The following COPG2 variants were observed in gnomAD, a reference collection of about 807,000 sequenced individuals.
The protein encoded by COPG2 is coatomer subunit gamma-2.
Under a neutral mutation model 46.3 loss-of-function variants are expected in COPG2, and 37 were observed. The observed-to-expected ratio is 0.80, with a 90% CI of 0.61 to 1.05. COPG2 has a LOEUF of 1.05. Ranked by LOEUF, COPG2 falls within the 50% of genes least tolerant of loss-of-function variation. COPG2 has a pLI of 0.00. For missense variants in COPG2, 427 were observed against 387.8 expected, an observed-to-expected ratio of 1.10 and a Z score of -0.85; for synonymous variants, 159 against 129.7, an observed-to-expected ratio of 1.23 and a Z score of -1.53.
At chr7:130,662,326 C>T (rs1419669061) in intron 4 of COPG2, among the ~76,000 whole-genome samples, 1 of 152,030 alleles carries the variant, frequency 6.6e-6, no homozygotes, top group Non-Finnish European at 1.5e-5. Context: ...TGATGATATG[C>T]AATACATACC....
chr7:130,574,562 C>T (rs782805848), intron 9 of COPG2, among the ~76,000 whole-genome samples: 1 of 152,152 alleles, frequency 6.6e-6, no homozygotes, highest in Non-Finnish European at 1.5e-5. Flanking sequence ...CCGCCTAGAC[C>T]TTCCCTCTGA....
chr7:130,604,257 T>C (rs1008908345), intron 9 of COPG2, among the ~76,000 whole-genome samples: 15 of 152,330 alleles, frequency 9.8e-5, no homozygotes, highest in African/African-American at 2.9e-4. Flanking sequence ...AAGAAGCCAA[T>C]TGGGATTGTA....
rs1793467139 is a variant in COPG2, at chr7:130,547,665, G to A, written c.2149+9C>T. The A allele has an allele frequency of 2.5e-6, 1 of 398,486 alleles. No individual in the cohort carries two copies. The highest frequency in any genetic ancestry group is 4.4e-6 in the Non-Finnish European group (1 of 226,034). 24.7% of individuals were successfully genotyped at this position (398,486 alleles called of 1,614,324 possible). A position where few individuals can be genotyped will look rare whatever the true frequency, so the allele number is the denominator to read the frequency against. ...AATCACGTATCTCCTCCCTTCTGAGGGTTAGTACCTGCTGTAGGGTCATCA... is the reference window on the plus strand; with the variant it reads ...AATCACGTATCTCCTCCCTTCTGAGAGTTAGTACCTGCTGTAGGGTCATCA... On this transcript the variant is annotated intron_variant, in intron 20 of 23. Coordinates refer to ENST00000425248, the MANE Select transcript of COPG2 (RefSeq NM_012133.6).
intron 7 of COPG2, among the ~76,000 whole-genome samples, chr7:130,612,542 T>C (rs1554452282): frequency 6.6e-6 from 1 of 152,126 alleles, no homozygotes; most frequent in African/African-American, 2.4e-5. Flanking sequence ...AACGTTATCA[T>C]AACAAGCTTT....
Position 130,506,693 on chromosome 7 carries a change from A to C in COPG2, c.2599T>G (p.Leu867Val). ...SKERTPVDVI[L>V]ASVG ...GTAAGCATTTATCCAACAGAAGCTA[A>C]GATAACATCTACAGGTGTTCTCTCT... The change falls in exon 24 of 24, where the codon TTA becomes GTA. Residue 867 changes from leucine (L) to valine (V), a missense_variant. Coordinates refer to ENST00000425248, the MANE Select transcript of COPG2 (RefSeq NM_012133.6). The C allele has an allele frequency of 2.6e-6, 2 of 780,096 alleles. No individual in the cohort carries two copies. The highest frequency in any genetic ancestry group is 2.4e-6 in the Non-Finnish European group (1 of 417,504). 48.3% of individuals were successfully genotyped at this position (780,096 alleles called of 1,614,324 possible). A position where few individuals can be genotyped will look rare whatever the true frequency, so the allele number is the denominator to read the frequency against.
At chr7:130,645,055 T>C (rs1445333210) in intron 5 of COPG2, among the ~76,000 whole-genome samples, 1 of 137,158 alleles carries the variant, frequency 7.3e-6, no homozygotes, top group Non-Finnish European at 1.5e-5. Context: ...AGAGCGAGAC[T>C]TCATCCCAAA....
intron 4 of COPG2, among the ~76,000 whole-genome samples, chr7:130,661,247 T>C (rs1554460708): frequency 6.6e-6 from 1 of 152,244 alleles, no homozygotes; most frequent in Admixed American, 6.5e-5. Flanking sequence ...TTTTTCTTTC[T>C]TACTCTGCTT....
At chr7:130,587,864 G>A (rs1311708083) in intron 9 of COPG2, among the ~76,000 whole-genome samples, 6 of 152,012 alleles carry the variant, frequency 3.9e-5, no homozygotes, top group African/African-American at 1.2e-4. Context: ...GCAACCTACA[G>A]AATGGGAGAA....
chr7:130,524,162 T>C (rs1431911610), intron 20 of COPG2, among the ~76,000 whole-genome samples: 3 of 152,062 alleles, frequency 2.0e-5, no homozygotes, highest in African/African-American at 2.4e-5. Context: ...AAGGTACCCA[T>C]AGCCTGGACC....
chr7:130,614,670 T>C (rs960521317), intron 6 of COPG2, among the ~76,000 whole-genome samples: 1 of 152,190 alleles, frequency 6.6e-6, no homozygotes, highest in Non-Finnish European at 1.5e-5. Context: ...TTCTCTCTCT[T>C]AAATGTTTCA....
intron 9 of COPG2, among the ~76,000 whole-genome samples, chr7:130,588,562 C>T (rs986316350): frequency 3.9e-5 from 6 of 152,016 alleles, no homozygotes; most frequent in Admixed American, 3.3e-4. Context: ...AACCAAACAC[C>T]GCATGTTCTT....
At chr7:130,535,750 G>T (rs1167853555) in intron 20 of COPG2, among the ~76,000 whole-genome samples, 4 of 151,174 alleles carry the variant, frequency 2.6e-5, no homozygotes, top group East Asian at 2.0e-4. Flanking sequence ...GGGGTGAAGT[G>T]GGCCAAGCTG....
chr7:130,621,738 T>C (rs1795042132), intron 5 of COPG2, among the ~76,000 whole-genome samples: 1 of 151,558 alleles, frequency 6.6e-6, no homozygotes, highest in Non-Finnish European at 1.5e-5. Context: ...AGGTCAGGAG[T>C]TCGCGACCAG....
At chr7:130,612,305 T>C in intron 7 of COPG2, 67 bp from the exon 8 acceptor site, 1 of 981,920 alleles carries the variant, frequency 1.0e-6, no homozygotes, top group Non-Finnish European at 1.5e-6. Flanking sequence ...AAACATGAGT[T>C]AGTTTTCTTT....
In COPG2 at chr7:130,583,061, A is replaced by G. The variant is rs566879252; in HGVS notation, c.738-18668T>C. ...ACACATGCACACGTATGTTTATTGC[A>G]GCATTATTCACAATAGCAAAGACTT... On this transcript the variant is annotated intron_variant, in intron 9 of 23. Coordinates refer to ENST00000425248, the MANE Select transcript of COPG2 (RefSeq NM_012133.6). 4.9e-3 allele frequency among the ~76,000 whole-genome samples: 735 copies of G among 150,766 alleles called. 2 individuals are homozygous for G. The highest frequency in any genetic ancestry group is 0.017 in the African/African-American group (699 of 40,922).
intron 9 of COPG2, among the ~76,000 whole-genome samples, chr7:130,565,954 C>G (rs1793795931): frequency 6.6e-6 from 1 of 151,868 alleles, no homozygotes; most frequent in Non-Finnish European, 1.5e-5. Context: ...GTAACATGAC[C>G]AAGGGTACCA....
chr7:130,550,869 C>A (rs1793527333), intron 16 of COPG2, among the ~76,000 whole-genome samples: 1 of 152,088 alleles, frequency 6.6e-6, no homozygotes, highest in Non-Finnish European at 1.5e-5. Flanking sequence ...GCATAGCATA[C>A]ACATTTTCAA....
chr7:130,545,366 G>GT lies in COPG2; in HGVS notation c.2149+2307dup, dbSNP rs1490618851. On this transcript the variant is annotated intron_variant, in intron 20 of 23. Transcript: ENST00000425248. The stretch of plus-strand genomic sequence containing the variant: ...GAAGGAAATCAAACCAAGAATTTCT[G>GT]TTTTTTCACTGCGATTATAAGGAAA... 1.4e-4 allele frequency among the ~76,000 whole-genome samples: 21 copies of GT among 152,150 alleles called. No homozygotes were observed. The South Asian group carries it at 1.9e-3, about 14-fold the overall frequency.
chr7:130,615,098 G>T (rs1228426522), intron 6 of COPG2, among the ~76,000 whole-genome samples: 1 of 152,232 alleles, frequency 6.6e-6, no homozygotes, highest in Non-Finnish European at 1.5e-5. Flanking sequence ...AGTTGGTGTA[G>T]CATGAAGGTC....
Sources: allele counts gnomAD v4.1 joint callset (sites outside exome capture counted in the v4.1 genomes callset), GRCh38; gene constraint gnomAD v4.1.1; transcripts MANE v1.5; gene names NCBI Gene and HGNC (gene_info 2026-07-23, HGNC 2026-07-21).